Variants in ZEB2 observed in about 807,000 individuals in gnomAD.
The protein encoded by ZEB2 is zinc finger E-box-binding homeobox 2.
ZEB2 carries 6 observed loss-of-function variants against 99.9 expected under a neutral mutation model. The ratio of observed to expected loss-of-function variants is 0.06; its 90% CI spans 0.03 to 0.12. The LOEUF is 0.12. Ranked by LOEUF, ZEB2 falls within the 10% of genes least tolerant of loss-of-function variation. ZEB2 has a pLI of 1.00. For missense variants in ZEB2, 969 were observed against 1,502.8 expected, an observed-to-expected ratio of 0.64 and a Z score of 5.87; for synonymous variants, 517 against 542.5, an observed-to-expected ratio of 0.95 and a Z score of 0.65.
At chr2:144,506,797 T>C (rs184071990) in intron 2 of ZEB2, among the ~76,000 whole-genome samples, 1 of 152,186 alleles carries the variant, frequency 6.6e-6, no homozygotes, top group African/African-American at 2.4e-5. Flanking sequence ...GGGGTGGCTA[T>C]CATCTTGTCA....
At chr2:144,446,363 T>G (rs1049594106) in intron 2 of ZEB2, among the ~76,000 whole-genome samples, 6 of 151,530 alleles carry the variant, frequency 4.0e-5, no homozygotes, top group Non-Finnish European at 8.8e-5. Context: ...CCTTGCTTCC[T>G]CCCTCTATCC....
chr2:144,420,670 A>G (rs1703608057), intron 4 of ZEB2, among the ~76,000 whole-genome samples: 1 of 152,158 alleles, frequency 6.6e-6, no homozygotes, highest in South Asian at 2.1e-4. Flanking sequence ...TTCAGAGATG[A>G]CCACATTAAG....
intron 2 of ZEB2, among the ~76,000 whole-genome samples, chr2:144,439,028 A>G (rs1284938335): frequency 6.6e-6 from 1 of 152,060 alleles, no homozygotes; most frequent in East Asian, 1.9e-4. Flanking sequence ...ATGTGAGGGG[A>G]AAAATATTGA....
At chr2:144,420,865 G>A (rs972168885) in intron 4 of ZEB2, among the ~76,000 whole-genome samples, 1 of 152,168 alleles carries the variant, frequency 6.6e-6, no homozygotes, top group Non-Finnish European at 1.5e-5. Context: ...AGCGCCATTG[G>A]TATACAATGG....
Position 144,385,109 on chromosome 2 carries a change from A to C in ZEB2, c.*4342T>G, listed in dbSNP as rs1703063983. 1 of 152,144 alleles carries C rather than the reference A, an allele frequency of 6.6e-6. No homozygotes were observed. The highest frequency in any genetic ancestry group is 2.1e-4 in the South Asian group (1 of 4,828). 9.4% of individuals were successfully genotyped at this position (152,144 alleles called of 1,614,324 possible). A position where few individuals can be genotyped will look rare whatever the true frequency, so the allele number is the denominator to read the frequency against. Reference sequence around the variant, plus strand: ...TAGGAATGTTTTGTTGCATGTATAAAATTTTTCAGAATTTATAGGAGTGCT... The same window carrying C: ...TAGGAATGTTTTGTTGCATGTATAACATTTTTCAGAATTTATAGGAGTGCT... On this transcript the variant is annotated 3_prime_UTR_variant, in exon 10 of 10. Transcript: ENST00000627532.
chr2:144,442,360 A>G (rs1703928912), intron 2 of ZEB2, among the ~76,000 whole-genome samples: 1 of 152,202 alleles, frequency 6.6e-6, no homozygotes, highest in Non-Finnish European at 1.5e-5. Context: ...TTAGTTTCAT[A>G]TCATCAGAAC....
chr2:144,424,863 T>G lies in ZEB2; in HGVS notation c.336A>C (p.Glu112Asp). 2 of 1,613,994 alleles carry G rather than the reference T, an allele frequency of 1.2e-6. No homozygotes were observed. Among genetic ancestry groups the G allele is most frequent in the Non-Finnish European group, 8.5e-7 (1 of 1,179,890 alleles). The stretch of plus-strand genomic sequence containing the variant: ...CCATAGTGTCATAGTCTTCCTTCAT[T>G]TCTTCTGTGGGGGAAAATTATCTTT... ...ILQASVDGPEEMKEDYDTMGP... is the reference protein window; with the variant it reads ...ILQASVDGPEDMKEDYDTMGP... Residue 112 changes from glutamate (E) to aspartate (D), a missense_variant, in exon 4 of 10, where the codon GAA becomes GAC. Glu to Asp is a conservative substitution (Grantham distance 45). This residue lies in a region of ZEB2 where 173 missense variants were observed against 217.7 expected (regional missense o/e 0.79). Coordinates refer to ENST00000627532, the MANE Select transcript of ZEB2 (RefSeq NM_014795.4).
At chr2:144,468,460 G>C (rs1326939805) in intron 2 of ZEB2, among the ~76,000 whole-genome samples, 1 of 152,064 alleles carries the variant, frequency 6.6e-6, no homozygotes, top group Non-Finnish European at 1.5e-5. Context: ...GATGCTTAAG[G>C]ACAATGTTTG....
intron 2 of ZEB2, chr2:144,511,807 GA>G: frequency 7.8e-7 from 1 of 1,286,960 alleles, no homozygotes; most frequent in Non-Finnish European, 1.0e-6. Context: ...AAGAAGTAAA[GA>G]GGGGGAATAG....
chr2:144,425,598 T>G (rs1191631663), intron 3 of ZEB2, among the ~76,000 whole-genome samples: 1 of 152,162 alleles, frequency 6.6e-6, no homozygotes, highest in Non-Finnish European at 1.5e-5. Context: ...TATATAATGT[T>G]GAAGTTAAAA....
intron 2 of ZEB2, among the ~76,000 whole-genome samples, chr2:144,517,028 G>T (rs571397283): frequency 1.3e-5 from 2 of 149,568 alleles, no homozygotes; most frequent in African/African-American, 4.9e-5. Context: ...GGGGCGCGGG[G>T]CCCCGGCCGG....
At chr2:144,405,287 A>G in intron 4 of ZEB2, 1 of 427,508 alleles carries the variant, frequency 2.3e-6, no homozygotes, top group Non-Finnish European at 4.2e-6. Flanking sequence ...TGTATATACA[A>G]AGAATGAAAG....
chr2:144,384,282 C>T lies in ZEB2; in HGVS notation c.*5169G>A, dbSNP rs1284185655. 6.6e-6 allele frequency: 1 copy of T among 151,802 alleles called. No individual in the cohort carries two copies. Among genetic ancestry groups the T allele is most frequent in the Non-Finnish European group, 1.5e-5 (1 of 67,942 alleles). 9.4% of individuals were successfully genotyped at this position (151,802 alleles called of 1,614,324 possible). A position where few individuals can be genotyped will look rare whatever the true frequency, so the allele number is the denominator to read the frequency against. On this transcript the variant is annotated 3_prime_UTR_variant, in exon 10 of 10. Coordinates refer to ENST00000627532, the MANE Select transcript of ZEB2 (RefSeq NM_014795.4). The stretch of plus-strand genomic sequence containing the variant: ...ACTCGTTTAATAGAGAAAGTTTTAG[C>T]TTGTGGCATATTCAGCATCATATTA...
At chr2:144,405,286 A>C (rs1430382751) in intron 4 of ZEB2, 3 of 430,034 alleles carry the variant, frequency 7.0e-6, no homozygotes, top group Non-Finnish European at 1.2e-5. Context: ...CTGTATATAC[A>C]AAGAATGAAA....
At chr2:144,438,934 A>C (rs562148772) in intron 2 of ZEB2, among the ~76,000 whole-genome samples, 3 of 152,250 alleles carry the variant, frequency 2.0e-5, no homozygotes, top group Admixed American at 2.0e-4. Flanking sequence ...GGACAGTGAC[A>C]TGGCAGACAC....
At chr2:144,456,545 TG>T (rs1210659038) in intron 2 of ZEB2, among the ~76,000 whole-genome samples, 1 of 152,130 alleles carries the variant, frequency 6.6e-6, no homozygotes, top group African/African-American at 2.4e-5. Context: ...CTGGTTCACA[TG>T]GGGGACTTCC....
At chr2:144,394,764 T>C (rs1385292713) in intron 9 of ZEB2, among the ~76,000 whole-genome samples, 1 of 152,174 alleles carries the variant, frequency 6.6e-6, no homozygotes, top group Non-Finnish European at 1.5e-5. Context: ...ACTGTATTGG[T>C]TGGAGTAAGA....
chr2:144,418,869 G>T lies in ZEB2; in HGVS notation c.403+5927C>A, dbSNP rs369776901. 2.6e-4 allele frequency among the ~76,000 whole-genome samples: 40 copies of T among 152,178 alleles called. 3 individuals are homozygous for T. Among genetic ancestry groups the T allele is most frequent in the East Asian group, 1.5e-3 (8 of 5,172 alleles). On this transcript the variant is annotated intron_variant, in intron 4 of 9. Coordinates refer to ENST00000627532, the MANE Select transcript of ZEB2 (RefSeq NM_014795.4). Reference sequence around the variant, plus strand: ...GAAAAAAAACTACACATTGGGCACGGTGTACACTGCTTGGGTGATGGGTGC... The same window carrying T: ...GAAAAAAAACTACACATTGGGCACGTTGTACACTGCTTGGGTGATGGGTGC...
intron 4 of ZEB2, among the ~76,000 whole-genome samples, chr2:144,423,372 CTAAT>C (rs1326986203): frequency 6.6e-6 from 1 of 152,178 alleles, no homozygotes; most frequent in East Asian, 1.9e-4. Context: ...TAGAAAGTAT[CTAAT>C]TCATGATATC....
Sources: gnomAD v4.1 joint callset for allele counts (sites outside exome capture counted in the v4.1 genomes callset) on GRCh38, gnomAD v4.1.1 for gene constraint, gnomAD v4.1.1 regional missense constraint, MANE v1.5 for transcripts, NCBI Gene and HGNC (gene_info 2026-07-23, HGNC 2026-07-21) for gene names.